Variants in ADAM28 observed in about 807,000 individuals in gnomAD.
The protein encoded by ADAM28 is ADAM metallopeptidase domain 28, also known as disintegrin and metalloproteinase domain-containing protein 28.
In ADAM28, 105 loss-of-function variants were observed where a neutral mutation model predicts 101.2. That is an observed-to-expected ratio of 1.04 (90% confidence interval 0.89 to 1.22). ADAM28 has a LOEUF of 1.22. Among genes scored for constraint, ADAM28 ranks in the 50% most tolerant of loss-of-function variants. The pLI is 0.00. For missense variants in ADAM28, 1,028 were observed against 945.4 expected (o/e 1.09, Z -1.15); for synonymous variants, 322 against 310.6 (o/e 1.04, Z -0.39).
At chr8:24,332,914 T>C (rs1813545098) in intron 13 of ADAM28, among the ~76,000 whole-genome samples, 165 bp downstream of exon 13, 1 of 152,228 alleles carries the variant, frequency 6.6e-6, no homozygotes, top group Admixed American at 6.5e-5. Flanking sequence ...ACATGGCCTA[T>C]TGAATCTTCC....
In ADAM28 at chr8:24,300,039, C is replaced by G; in HGVS notation, c.112C>G (p.Pro38Ala). Residue 38 changes from proline to alanine, a missense_variant, in exon 2 of 23, where the codon CCA becomes GCA. Transcript: ENST00000265769. ...YEVVYPIRLH[P>A]LHKREAKEPE... ...AGTGGTTTATCCTATAAGACTTCAT[C>G]CACTGCATAAAAGAGAGGCCAAAGA... 1 of 1,613,712 alleles carries G rather than the reference C, an allele frequency of 6.2e-7. No homozygotes were observed. The highest frequency in any genetic ancestry group is 8.5e-7 in the Non-Finnish European group (1 of 1,179,970).
chr8:24,341,703 C>A lies in ADAM28; in HGVS notation c.1776C>A (p.Asp592Glu), dbSNP rs1252082822. 4 of 1,613,856 alleles carry A rather than the reference C, an allele frequency of 2.5e-6. No individual in the cohort carries two copies. The highest frequency in any genetic ancestry group is 2.2e-5 in the East Asian group (1 of 44,872). Residue 592 changes from aspartate to glutamate, a missense_variant, in exon 16 of 23, where the codon GAC (aspartate) becomes GAA (glutamate). Asp to Glu is a conservative substitution (Grantham distance 45, BLOSUM62 2). Coordinates refer to ENST00000265769, the MANE Select transcript of ADAM28 (RefSeq NM_014265.6). ...FLTCKTFDPE[D>E]TSQEIGMVAN... ...CATGTAAAACATTTGATCCTGAAGA[C>A]ACAAGTCAAGAAATAGGCATGGTGG... is the stretch of plus-strand genomic sequence containing the variant.
chr8:24,325,689 G>A (rs1321283322), intron 9 of ADAM28, among the ~76,000 whole-genome samples: 1 of 150,944 alleles, frequency 6.6e-6, no homozygotes, highest in East Asian at 1.9e-4. Flanking sequence ...ATGAAAAATT[G>A]GAACGTTTTC....
At chr8:24,304,932 T>TAGAG (rs879860082) in intron 2 of ADAM28, among the ~76,000 whole-genome samples, 18,738 of 147,442 alleles carry the variant, frequency 0.13, 1,220 homozygotes, top group East Asian at 0.24. Context: ...AAAAAAAAAA[T>TAGAG]AGATTATGCT....
intron 9 of ADAM28, 75 bp from the exon 10 acceptor site, chr8:24,326,479 G>A: frequency 7.4e-7 from 1 of 1,355,906 alleles, no homozygotes; most frequent in African/African-American, 1.5e-5. Flanking sequence ...AACCATTTAG[G>A]GTTTTGGATG....
chr8:24,321,566 T>G (rs1368372187), intron 8 of ADAM28: 7 of 397,028 alleles, frequency 1.8e-5, no homozygotes, highest in Non-Finnish European at 2.8e-5. Context: ...AAAAATCCGC[T>G]AAGAAAATGC....
At chr8:24,305,467 TTTTTTTTTTTA>T (rs1809468399) in intron 2 of ADAM28, among the ~76,000 whole-genome samples, 1 of 146,242 alleles carries the variant, frequency 6.8e-6, no homozygotes, top group South Asian at 2.1e-4. Flanking sequence ...TTTTTTTTTT[TTTTTTTTTTTA>T]AAATATGTCT....
At chr8:24,314,290 A>C (rs1276991870) in intron 6 of ADAM28, among the ~76,000 whole-genome samples, 2 of 152,086 alleles carry the variant, frequency 1.3e-5, no homozygotes, top group Non-Finnish European at 2.9e-5. Context: ...ATCTCTCTTA[A>C]AGTGCTGTCA....
chr8:24,349,759 A>G, intron 18 of ADAM28, 105 bp from the exon 19 acceptor site: 1 of 773,196 alleles, frequency 1.3e-6, no homozygotes, highest in Non-Finnish European at 2.1e-6. Context: ...TGTTCATTGG[A>G]GAAAAGGGTA....
chr8:24,351,578 A>T (rs1816148730), intron 20 of ADAM28: 1 of 531,924 alleles, frequency 1.9e-6, no homozygotes. Flanking sequence ...TCTCTGCTTC[A>T]TTCTCTCTCC....
In ADAM28 at chr8:24,357,953, T is replaced by G. The variant is rs184677450; in HGVS notation, c.*3549T>G. ...AATTACTGGTTTTTATATTCTGTAC[T>G]GTCAGTCCTCCTGTTCACTAATTTC... is the stretch of plus-strand genomic sequence containing the variant. On this transcript the variant is annotated 3_prime_UTR_variant, in exon 23 of 23. Coordinates refer to ENST00000265769, the MANE Select transcript of ADAM28 (RefSeq NM_014265.6). 86 of 152,254 alleles carry G rather than the reference T, an allele frequency of 5.6e-4. No individual in the cohort carries two copies. In the East Asian group the frequency reaches 0.016, roughly 28 times the overall value. 9.4% of individuals were successfully genotyped at this position (152,254 alleles called of 1,614,324 possible). A position where few individuals can be genotyped will look rare whatever the true frequency, so the allele number is the denominator to read the frequency against.
chr8:24,313,473 A>T lies in ADAM28; in HGVS notation c.469A>T (p.Lys157Ter). 4 of 1,613,916 alleles carry T rather than the reference A, an allele frequency of 2.5e-6. No homozygotes were observed. The highest frequency in any genetic ancestry group is 3.4e-6 in the Non-Finnish European group (4 of 1,179,870). Residue 157 changes from lysine to a stop codon, truncating the protein, a stop_gained, in exon 6 of 23, where the codon AAG becomes TAG. Transcript: ENST00000265769. LOFTEE classifies it high-confidence loss of function. Reference sequence around the variant, plus strand: ...GGATGGACAGGAGCATGCACTCTTCAAGTATAACCCTGATGAAAAGAATTA... The same window carrying T: ...GGATGGACAGGAGCATGCACTCTTCTAGTATAACCCTGATGAAAAGAATTA... The part of the protein sequence containing the change: ...HRDGQEHALF[K>*]YNPDEKNYDS...
intron 18 of ADAM28, among the ~76,000 whole-genome samples, chr8:24,346,523 G>T (rs117086184): frequency 0.02 from 2,987 of 152,142 alleles, 51 homozygotes; most frequent in Middle Eastern, 0.044. Context: ...CAGAAAAGGG[G>T]TTTATAGGCT....
At chr8:24,311,306 G>A (rs1810423539) in intron 4 of ADAM28, 55 bp from the exon 5 acceptor site, 1 of 1,399,610 alleles carries the variant, frequency 7.1e-7, no homozygotes, top group Non-Finnish European at 1.0e-6. Context: ...TGCGGCTTTA[G>A]CAGCGGTGCT....
rs1178415996 is a variant in ADAM28, at chr8:24,354,455, G to GA, written c.*55dup. The GA allele has an allele frequency of 6.4e-7, 1 of 1,565,918 alleles. No homozygotes were observed. The highest frequency in any genetic ancestry group is 8.6e-7 in the Non-Finnish European group (1 of 1,158,578). ...GCTAAATTATCAACTTGGAAAACTG[G>GA]AAAATCTGGATGGCAGAGAAATATA... On this transcript the variant is annotated 3_prime_UTR_variant, in exon 23 of 23. Coordinates refer to ENST00000265769, the MANE Select transcript of ADAM28 (RefSeq NM_014265.6).
chr8:24,338,379 TATC>T (rs1424814627), intron 14 of ADAM28, among the ~76,000 whole-genome samples: 1 of 152,206 alleles, frequency 6.6e-6, no homozygotes, highest in African/African-American at 2.4e-5. Flanking sequence ...CCTTCTGCAA[TATC>T]AGCAGCAATA....
At chr8:24,336,707 C>A (rs1375813267) in intron 14 of ADAM28, among the ~76,000 whole-genome samples, 1 of 149,774 alleles carries the variant, frequency 6.7e-6, no homozygotes, top group Non-Finnish European at 1.5e-5. Flanking sequence ...GCAGAAAGTA[C>A]AATGCTGGTT....
chr8:24,301,345 G>A (rs1704133642), intron 2 of ADAM28, among the ~76,000 whole-genome samples: 1 of 152,086 alleles, frequency 6.6e-6, no homozygotes, highest in African/African-American at 2.4e-5. Flanking sequence ...TAAAATGTCA[G>A]ACACCTTTTT....
intron 10 of ADAM28, 102 bp downstream of exon 10, chr8:24,326,737 T>C: frequency 8.9e-7 from 1 of 1,121,318 alleles, no homozygotes; most frequent in African/African-American, 1.6e-5. Context: ...TGTAGTCTGT[T>C]GACATGGTAA....
Sources: gnomAD v4.1 joint callset for allele counts (sites outside exome capture counted in the v4.1 genomes callset) on GRCh38, gnomAD v4.1.1 for gene constraint, MANE v1.5 for transcripts, NCBI Gene and HGNC (gene_info 2026-07-23, HGNC 2026-07-21) for gene names.